Variants in TMEM245 observed in about 807,000 individuals in gnomAD.
TMEM245 encodes the protein protein CG-2.
TMEM245 carries 69 observed loss-of-function variants against 101.2 expected under a neutral mutation model. The observed-to-expected ratio is 0.68, with a 90% CI of 0.56 to 0.83. The LOEUF (loss-of-function observed/expected upper bound fraction) is 0.83, where lower values mean the gene tolerates loss of function less well. Ranked by LOEUF, TMEM245 falls within the 40% of genes least tolerant of loss-of-function variation. The pLI, the probability that TMEM245 is intolerant of heterozygous loss-of-function variation, is 0.00. For missense variants in TMEM245, 1,075 were observed against 1,092.8 expected (o/e 0.98, Z 0.23); for synonymous variants, 537 against 449.8 (o/e 1.19, Z -2.45).
At chr9:109,090,843 A>G (rs1239885455) in intron 5 of TMEM245, 79 bp downstream of exon 5, 6 of 1,311,724 alleles carry the variant, frequency 4.6e-6, no homozygotes, top group Non-Finnish European at 6.3e-6. Flanking sequence ...TGTATCTCAA[A>G]TATTAAAATC....
Position 109,087,287 on chromosome 9 carries a change from T to C in TMEM245, c.1206A>G (p.Lys402=), listed in dbSNP as rs1285597281. The C allele has an allele frequency of 5.0e-6, 8 of 1,613,302 alleles. No individual in the cohort carries two copies. The highest frequency in any genetic ancestry group is 2.2e-5 in the East Asian group (1 of 44,848). ...IHFGVVDFLE[K]RYHVWWGIIE... ...TAATGCCCCACCACACATGGTAGCGTTTCTCTAGGAAATCCACAACTCCAA... is the reference window on the plus strand; with the variant it reads ...TAATGCCCCACCACACATGGTAGCGCTTCTCTAGGAAATCCACAACTCCAA... Residue 402 remains lysine (K), a synonymous_variant, in exon 6 of 18, where the codon AAA becomes AAG. Coordinates refer to ENST00000374586, the MANE Select transcript of TMEM245 (RefSeq NM_032012.4).
intron 3 of TMEM245, among the ~76,000 whole-genome samples, chr9:109,095,988 G>A (rs1830130001): frequency 6.6e-6 from 1 of 152,126 alleles, no homozygotes; most frequent in African/African-American, 2.4e-5. Flanking sequence ...CCACAACAGG[G>A]GAAACAGGGA....
chr9:109,081,783 T>C (rs1165190296), intron 7 of TMEM245, among the ~76,000 whole-genome samples: 1 of 152,242 alleles, frequency 6.6e-6, no homozygotes, highest in Non-Finnish European at 1.5e-5. Flanking sequence ...AGTAGCTGTT[T>C]CTTAATCAGT....
intron 14 of TMEM245, chr9:109,038,488 T>C: frequency 5.9e-6 from 1 of 169,998 alleles, no homozygotes; most frequent in South Asian, 1.5e-4. Flanking sequence ...GTGAATAACA[T>C]GTTTCCAAGA....
intron 17 of TMEM245, among the ~76,000 whole-genome samples, chr9:109,020,948 C>G (rs1435026112): frequency 6.6e-6 from 1 of 152,146 alleles, no homozygotes; most frequent in Non-Finnish European, 1.5e-5. Flanking sequence ...AAATAGAAAT[C>G]GTAATCCAAC....
In TMEM245 at chr9:109,093,513, T is replaced by A. The variant is rs1830062155; in HGVS notation, c.878A>T (p.Glu293Val). Reference sequence around the variant, plus strand: ...GGAGGGCTGGTCTTCACTGCTTGATTCATACCCTGTGATAGAGATGGCCAA... The same window carrying A: ...GGAGGGCTGGTCTTCACTGCTTGATACATACCCTGTGATAGAGATGGCCAA... The part of the protein sequence containing the change: ...ANLAISITGY[E>V]SSSEDQPSTQ... Residue 293 changes from glutamate (E) to valine (V), a missense_variant, in exon 4 of 18, where the codon GAA (glutamate) becomes GTA (valine). Physicochemically the swap from Glu to Val is moderately radical, Grantham distance 121. Coordinates refer to ENST00000374586, the MANE Select transcript of TMEM245 (RefSeq NM_032012.4). 1.2e-6 allele frequency: 2 copies of A among 1,614,002 alleles called. No individual in the cohort carries two copies. The highest frequency in any genetic ancestry group is 1.7e-6 in the Non-Finnish European group (2 of 1,179,994).
intron 3 of TMEM245, among the ~76,000 whole-genome samples, chr9:109,104,471 C>T (rs760701858): frequency 3.3e-5 from 5 of 152,110 alleles, no homozygotes; most frequent in African/African-American, 7.2e-5. Context: ...TGCTCCCCCC[C>T]GCCCACAAGT....
intron 17 of TMEM245, among the ~76,000 whole-genome samples, chr9:109,022,965 C>T (rs944557493): frequency 6.6e-6 from 1 of 152,216 alleles, no homozygotes; most frequent in Non-Finnish European, 1.5e-5. Flanking sequence ...GGCAAAGACA[C>T]ATTAAATAAG....
chr9:109,107,629 C>T (rs16913822), intron 2 of TMEM245, among the ~76,000 whole-genome samples: 4,922 of 152,154 alleles, frequency 0.032, 261 homozygotes, highest in African/African-American at 0.11. Flanking sequence ...TGACATCAAA[C>T]GAAGACAGAG....
At position 109,090,914 on chromosome 9, in the gene TMEM245, A is replaced by AT; in HGVS notation, c.1150+7dup. 1 of 1,613,756 alleles carries AT rather than the reference A, an allele frequency of 6.2e-7. No homozygotes were observed. Among genetic ancestry groups the AT allele is most frequent in the Non-Finnish European group, 8.5e-7 (1 of 1,179,686 alleles). On this transcript the variant is annotated splice_region_variant and intron_variant, in intron 5 of 17. Coordinates refer to ENST00000374586, the MANE Select transcript of TMEM245 (RefSeq NM_032012.4). ...ACAAGACGAGATCGTACTTAACCAG[A>AT]TAACGACCTGCAATCGGCACTGGCA...
chr9:109,086,311 T>G (rs190592906), intron 6 of TMEM245, among the ~76,000 whole-genome samples: 1 of 152,312 alleles, frequency 6.6e-6, no homozygotes, highest in African/African-American at 2.4e-5. Context: ...AGTGTCTCCA[T>G]GCCTTTGCAC....
At chr9:109,105,837 C>A (rs1830398667) in intron 3 of TMEM245, among the ~76,000 whole-genome samples, 1 of 151,934 alleles carries the variant, frequency 6.6e-6, no homozygotes, top group South Asian at 2.1e-4. Flanking sequence ...GTGGTGCGAT[C>A]TCGGCTCTCA....
In TMEM245 at chr9:109,108,555, CCA is replaced by C; in HGVS notation, c.593_594del (p.Val198GlyfsTer16). ...AATGAAACAGTCAACACATAGCCAA[CCA>C]CCAACGTCCAGATCTTAAATAAATG... ...YFSSLWIWTL[V>X]VGYVLTVSFK... On this transcript the variant is annotated frameshift_variant, in exon 2 of 18. Transcript: ENST00000374586. LOFTEE classifies it high-confidence loss of function. 1 of 1,602,016 alleles carries C rather than the reference CCA, an allele frequency of 6.2e-7. No homozygotes were observed.
At chr9:109,071,161 G>A (rs188037204) in intron 9 of TMEM245, among the ~76,000 whole-genome samples, 6 of 152,066 alleles carry the variant, frequency 3.9e-5, no homozygotes, top group Admixed American at 1.3e-4. Flanking sequence ...GATTACAGGC[G>A]TGAGCCACCC....
At chr9:109,042,225 T>A (rs1284570123) in intron 14 of TMEM245, among the ~76,000 whole-genome samples, 1 of 152,150 alleles carries the variant, frequency 6.6e-6, no homozygotes, top group African/African-American at 2.4e-5. Flanking sequence ...TAGTGGGTTG[T>A]GTTAGTTTCC....
chr9:109,111,633 T>C (rs1393558701), intron 1 of TMEM245, among the ~76,000 whole-genome samples: 1 of 152,168 alleles, frequency 6.6e-6, no homozygotes, highest in African/African-American at 2.4e-5. Context: ...CAGACACATA[T>C]AAAAATATTC....
chr9:109,070,633 C>A (rs1829303980), intron 9 of TMEM245, among the ~76,000 whole-genome samples: 1 of 148,498 alleles, frequency 6.7e-6, no homozygotes, highest in Non-Finnish European at 1.5e-5. Flanking sequence ...AGCTGAAAAG[C>A]CTGTTCTAGA....
chr9:109,107,089 A>G (rs1453966737), intron 2 of TMEM245, among the ~76,000 whole-genome samples: 6 of 152,078 alleles, frequency 3.9e-5, no homozygotes, highest in Admixed American at 2.0e-4. Context: ...TGTATAATGC[A>G]AAAATGTTTA....
intron 3 of TMEM245, among the ~76,000 whole-genome samples, chr9:109,098,527 A>G (rs1036564177): frequency 6.6e-6 from 1 of 152,048 alleles, no homozygotes; most frequent in African/African-American, 2.4e-5. Context: ...CTCAAAAACC[A>G]CAAGGAATTG....
Sources: gnomAD v4.1 joint callset for allele counts (sites outside exome capture counted in the v4.1 genomes callset) on GRCh38, gnomAD v4.1.1 for gene constraint, MANE v1.5 for transcripts, NCBI Gene and HGNC (gene_info 2026-07-23, HGNC 2026-07-21) for gene names.